KIF18B: variants seen among roughly 807,000 people sequenced by gnomAD.
The protein encoded by KIF18B is kinesin-like protein KIF18B.
A neutral mutation model predicts 80.9 loss-of-function variants in KIF18B; 49 were observed. That is an observed-to-expected ratio of 0.61 (90% CI 0.48 to 0.77). The LOEUF is 0.77. KIF18B is among the 30% of genes least tolerant of loss of function. The probability of loss-of-function intolerance (pLI) is 0.00; values close to 1 mark genes in which losing one functional copy is unlikely to be tolerated. For missense variants in KIF18B, 994 were observed against 1,127.7 expected (o/e 0.88, Z 1.70); for synonymous variants, 439 against 463.9 (o/e 0.95, Z 0.69).
At chr17:44,936,590 CTCTCTCTCTATATATATATA>C (rs1335400798) in intron 1 of KIF18B, among the ~76,000 whole-genome samples, 8 of 59,052 alleles carry the variant, frequency 1.4e-4, no homozygotes, top group African/African-American at 4.1e-4. Flanking sequence ...CTCTCTCTCT[CTCTCTCTCTATATATATATA>C]TATATATATA....
At chr17:44,940,596 A>G (rs1030699650) in intron 1 of KIF18B, among the ~76,000 whole-genome samples, 1 of 152,276 alleles carries the variant, frequency 6.6e-6, no homozygotes, top group African/African-American at 2.4e-5. Context: ...GAATTTTGGA[A>G]TGCAGCCTGG....
At chr17:44,944,509 T>C (rs1006048392) in intron 1 of KIF18B, among the ~76,000 whole-genome samples, 2 of 152,170 alleles carry the variant, frequency 1.3e-5, no homozygotes, top group Non-Finnish European at 2.9e-5. Flanking sequence ...CCCAAAGTGC[T>C]GGTGCTGGGA....
Position 44,926,125 on chromosome 17 carries a change from C to T in KIF18B, c.2514G>A (p.Val838=), listed in dbSNP as rs757544680. Residue 838 remains valine, a synonymous_variant, in exon 16 of 16, where the codon GTG becomes GTA. Coordinates refer to ENST00000593135, the MANE Select transcript of KIF18B (RefSeq NM_001265577.2). ...NRRNGKDLIR[V]GRALSAGNGV... is the part of the protein sequence containing the mutation. The stretch of plus-strand genomic sequence containing the variant: ...CGTTCCCTGCTGAGAGTGCTCTCCC[C>T]ACCCTGATGAGGTCCTTTCCATTCC... 1.9e-6 allele frequency: 3 copies of T among 1,613,918 alleles called. No homozygotes were observed. Among genetic ancestry groups the T allele is most frequent in the South Asian group, 2.2e-5 (2 of 91,064 alleles).
At chr17:44,932,828 G>C (rs969328405) in intron 8 of KIF18B, 55 bp from the exon 9 acceptor site, 1 of 1,574,228 alleles carries the variant, frequency 6.4e-7, no homozygotes, top group Non-Finnish European at 8.7e-7. Flanking sequence ...AGGAGGGGAG[G>C]GGCAGACAGA....
chr17:44,926,907 G>C (rs572996680), intron 14 of KIF18B, 82 bp downstream of exon 14: 9 of 1,202,610 alleles, frequency 7.5e-6, no homozygotes, highest in African/African-American at 4.5e-5. Context: ...AGACACTGGG[G>C]GCCCAGAGTC....
chr17:44,935,392 G>A lies in KIF18B; in HGVS notation c.338C>T (p.Ala113Val). The change falls in exon 3 of 16, where the codon GCT becomes GTT. Residue 113 changes from alanine (A) to valine (V), a missense_variant. By Grantham distance (64) the Ala-to-Val change is moderately conservative. Coordinates refer to ENST00000593135, the MANE Select transcript of KIF18B (RefSeq NM_001265577.2). ...TCCCAGCATGGTGTGTGTCTTCCCA[G>A]CCCCGGTGGCCCCGTAGGCAAACAC... ...CSVFAYGATG[A>V]GKTHTMLGRE... The A allele has an allele frequency of 1.2e-6, 2 of 1,611,150 alleles. No individual in the cohort carries two copies. Among genetic ancestry groups the A allele is most frequent in the Non-Finnish European group, 1.7e-6 (2 of 1,178,410 alleles).
At position 44,932,036 on chromosome 17, in the gene KIF18B, C is replaced by T. The variant is rs777930906; in HGVS notation, c.1389+20G>A. ...CTCCAAGCCCTCCCGATACCCAGGC[C>T]TCACACCCCCAAGTCCTACCTCCTC... is the stretch of plus-strand genomic sequence containing the variant. On this transcript the variant is annotated intron_variant, in intron 10 of 15. Transcript: ENST00000593135. 46 of 1,593,660 alleles carry T rather than the reference C, an allele frequency of 2.9e-5. No individual in the cohort carries two copies. The highest frequency in any genetic ancestry group is 3.9e-5 in the Non-Finnish European group (46 of 1,167,612).
At chr17:44,944,462 C>A (rs994101032) in intron 1 of KIF18B, among the ~76,000 whole-genome samples, 1 of 152,136 alleles carries the variant, frequency 6.6e-6, no homozygotes, top group Admixed American at 6.5e-5. Context: ...AGGCTGGTCT[C>A]ATACTCATGA....
In KIF18B at chr17:44,934,195, T is replaced by C. The variant is rs756823164; in HGVS notation, c.885+38A>G. On this transcript the variant is annotated intron_variant, in intron 6 of 15. Coordinates refer to ENST00000593135, the MANE Select transcript of KIF18B (RefSeq NM_001265577.2). The surrounding 1 kb of genome is among the most constrained non-coding windows in gnomAD (Gnocchi z 5.4). ...TTGGCCCTGGGTTCAGGTGCTCAGTTGCTATCCTGGGGAGAATACTGGCCT... is the reference window on the plus strand; with the variant it reads ...TTGGCCCTGGGTTCAGGTGCTCAGTCGCTATCCTGGGGAGAATACTGGCCT... 5.6e-6 allele frequency: 9 copies of C among 1,596,222 alleles called. No individual in the cohort carries two copies. Among genetic ancestry groups the C allele is most frequent in the Non-Finnish European group, 1.7e-6 (2 of 1,170,034 alleles).
At chr17:44,940,405 G>A (rs2052393078) in intron 1 of KIF18B, among the ~76,000 whole-genome samples, 1 of 152,180 alleles carries the variant, frequency 6.6e-6, no homozygotes, top group South Asian at 2.1e-4. Context: ...ATCTATTAAT[G>A]TAGAGGGTGA....
At chr17:44,936,517 T>C in intron 1 of KIF18B, 159 bp from the exon 2 acceptor site, 1 of 597,042 alleles carries the variant, frequency 1.7e-6, no homozygotes, top group Non-Finnish European at 2.9e-6. Flanking sequence ...ATTATATCTC[T>C]TTCTCACTTG....
intron 1 of KIF18B, among the ~76,000 whole-genome samples, chr17:44,941,787 T>C (rs2052424993): frequency 6.6e-6 from 1 of 152,060 alleles, no homozygotes; most frequent in Non-Finnish European, 1.5e-5. Context: ...GGGAGGGCTT[T>C]AGCTGAGGAG....
At chr17:44,947,500 GCC>G (rs1269007050) in intron 1 of KIF18B, 126 bp downstream of exon 1, 5 of 152,360 alleles carry the variant, frequency 3.3e-5, no homozygotes, top group African/African-American at 1.2e-4. Context: ...CGTTCTCCGC[GCC>G]GCACCTTGAC....
chr17:44,930,200 G>C (rs1415630299), intron 11 of KIF18B, among the ~76,000 whole-genome samples: 1 of 152,236 alleles, frequency 6.6e-6, no homozygotes. Flanking sequence ...AGGAAGATTA[G>C]ACAATTGCGA....
At chr17:44,945,692 G>T (rs894605229) in intron 1 of KIF18B, among the ~76,000 whole-genome samples, 1 of 151,902 alleles carries the variant, frequency 6.6e-6, no homozygotes, top group South Asian at 2.1e-4. Flanking sequence ...ATCACCTGAC[G>T]TCAGGAGTTT....
rs370902311 is a variant in KIF18B, at chr17:44,934,538, G to A, written c.656C>T (p.Ala219Val). Residue 219 changes from alanine to valine, a missense_variant, in exon 5 of 16, where the codon GCG becomes GTG. Transcript: ENST00000593135. This position sits in a 1 kb window ranked among gnomAD's most constrained non-coding sequence, Gnocchi z 5.4. ...GATGGCATGGGAGCGGGAGGAAGTC[G>A]CGTTGGCATCAGTGGGGTGCTGCGT... ...NRTQHPTDAN[A>V]TSSRSHAIFQ... is the part of the protein sequence containing the mutation. 2.7e-5 allele frequency: 44 copies of A among 1,612,912 alleles called. 1 individual carries two copies. The highest frequency in any genetic ancestry group is 2.3e-4 in the South Asian group (21 of 90,828).
chr17:44,939,366 C>CA (rs781348504), intron 1 of KIF18B, among the ~76,000 whole-genome samples: 7,324 of 36,846 alleles, frequency 0.2, 1,967 homozygotes, highest in African/African-American at 0.32. Flanking sequence ...GACTCCATCT[C>CA]AAAAAAAAAA....
chr17:44,936,220 G>T lies in KIF18B; in HGVS notation c.125C>A (p.Pro42His). The T allele has an allele frequency of 6.2e-7, 1 of 1,610,934 alleles. No homozygotes were observed. The highest frequency in any genetic ancestry group is 1.1e-5 in the South Asian group (1 of 90,420). ...VVDERVLVFN[P>H]EEPDGGFPGL... is the part of the protein sequence containing the mutation. ...AGGGAACCCTCCATCGGGCTCCTCA[G>T]GGTTAAACACCAGCACCCGCTCGTC... Residue 42 changes from proline to histidine, a missense_variant, in exon 2 of 16, where the codon CCT (proline) becomes CAT (histidine). Pro to His is a moderately conservative substitution (Grantham distance 77). Coordinates refer to ENST00000593135, the MANE Select transcript of KIF18B (RefSeq NM_001265577.2).
intron 1 of KIF18B, among the ~76,000 whole-genome samples, chr17:44,936,613 TATATATATATA>T (rs1266346789): frequency 1.7e-4 from 15 of 89,724 alleles, no homozygotes; most frequent in African/African-American, 4.6e-4. Context: ...TATATATATA[TATATATATATA>T]TTTTTTTTTT....
Sources: gnomAD v4.1 joint callset for allele counts (sites outside exome capture counted in the v4.1 genomes callset) on GRCh38, gnomAD v4.1.1 for gene constraint, Gnocchi (gnomAD v3.1) non-coding constraint, MANE v1.5 for transcripts, NCBI Gene and HGNC (gene_info 2026-07-23, HGNC 2026-07-21) for gene names.